Variants in RNF150 observed in about 807,000 individuals in gnomAD.
RNF150 encodes the protein ring finger protein 150.
RNF150 carries 24 observed loss-of-function variants against 39.3 expected under a neutral mutation model. That is an observed-to-expected ratio of 0.61 (90% CI 0.44 to 0.86). The LOEUF is 0.86. Among genes scored for constraint, RNF150 ranks in the 40% least tolerant of loss-of-function variants. The pLI is 0.00. For missense variants in RNF150, 502 were observed against 587.8 expected (o/e 0.85, Z 1.51); for synonymous variants, 255 against 227.3 (o/e 1.12, Z -1.10).
At chr4:141,010,735 T>C (rs1305844032) in intron 1 of RNF150, among the ~76,000 whole-genome samples, 1 of 152,090 alleles carries the variant, frequency 6.6e-6, no homozygotes, top group East Asian at 1.9e-4. Flanking sequence ...CAGCACCCTT[T>C]GAGCTTAGAG....
At chr4:140,892,217 G>GTATATTGCTATATAGCGATA (rs1422823859) in intron 6 of RNF150, among the ~76,000 whole-genome samples, 2 of 152,156 alleles carry the variant, frequency 1.3e-5, no homozygotes, top group Admixed American at 1.3e-4. Flanking sequence ...ATATAGCAAT[G>GTATATTGCTATATAGCGATA]TACGAGGGCA....
At chr4:140,958,269 T>C (rs1732864673) in intron 2 of RNF150, among the ~76,000 whole-genome samples, 1 of 152,046 alleles carries the variant, frequency 6.6e-6, no homozygotes, top group Admixed American at 6.6e-5. Flanking sequence ...CAATTCCTCA[T>C]GGATGCTGAG....
intron 1 of RNF150, among the ~76,000 whole-genome samples, chr4:141,086,949 G>C (rs1278513653): frequency 6.6e-6 from 1 of 151,656 alleles, no homozygotes; most frequent in Non-Finnish European, 1.5e-5. Context: ...AAAATTCAAA[G>C]GTTTTATTTG....
chr4:141,055,978 C>T lies in RNF150; in HGVS notation c.484+76347G>A, dbSNP rs149841816. On this transcript the variant is annotated intron_variant, in intron 1 of 6. Coordinates refer to ENST00000515673, the MANE Select transcript of RNF150 (RefSeq NM_020724.2). ...TTATTAAATACCTATGGGCTACAAA[C>T]GAGTCTAGGTATTAACATGCCAGAG... is the stretch of plus-strand genomic sequence containing the variant. Among the ~76,000 whole-genome samples, 451 of 152,218 alleles carry T rather than the reference C, an allele frequency of 3.0e-3. 5 individuals are homozygous for T. Among genetic ancestry groups the T allele is most frequent in the African/African-American group, 0.01 (425 of 41,540 alleles).
chr4:141,142,620 T>C (rs1023837589), intron 1 of RNF150, among the ~76,000 whole-genome samples: 17 of 152,220 alleles, frequency 1.1e-4, no homozygotes, highest in African/African-American at 3.9e-4. Context: ...CACTGGTGAC[T>C]GCTGCTTTGT....
intron 6 of RNF150, among the ~76,000 whole-genome samples, chr4:140,888,090 G>T (rs999999794): frequency 6.6e-6 from 1 of 152,184 alleles, no homozygotes; most frequent in Non-Finnish European, 1.5e-5. Context: ...CTTAAGGATT[G>T]TAAGTAATTT....
At chr4:141,198,890 T>C (rs1006441165) in intron 1 of RNF150, among the ~76,000 whole-genome samples, 13 of 152,316 alleles carry the variant, frequency 8.5e-5, no homozygotes, top group African/African-American at 3.1e-4. Flanking sequence ...TAAATTAGAC[T>C]TATCAAAGTT....
chr4:140,915,128 A>G (rs1730765946), intron 5 of RNF150, among the ~76,000 whole-genome samples: 1 of 152,232 alleles, frequency 6.6e-6, no homozygotes, highest in Non-Finnish European at 1.5e-5. Context: ...GTAATTCCAT[A>G]GACATTTATT....
upstream of RNF150, among the ~76,000 whole-genome samples, chr4:141,138,065 T>C (rs1444905449): frequency 1.3e-5 from 2 of 152,192 alleles, no homozygotes; most frequent in Admixed American, 6.5e-5. Flanking sequence ...CAAATTGAAC[T>C]TTCTTTAAGA....
rs369329306 is a variant in RNF150, at chr4:141,171,296, A to C, written c.-6+41498T>G. Reference sequence around the variant, plus strand: ...ATGCTTCCCTGAGAACTTTCCACTAACAGCCACACCTCTTGGGAGAGATTA... The same window carrying C: ...ATGCTTCCCTGAGAACTTTCCACTACCAGCCACACCTCTTGGGAGAGATTA... On this transcript the variant is annotated intron_variant, in intron 1 of 7. Transcript: ENST00000420921. 3.2e-4 allele frequency among the ~76,000 whole-genome samples: 49 copies of C among 152,228 alleles called. No individual in the cohort carries two copies. In the East Asian group the frequency reaches 8.5e-3, roughly 26 times the overall value.
chr4:141,046,534 G>A (rs781748501), intron 1 of RNF150, among the ~76,000 whole-genome samples: 1 of 152,138 alleles, frequency 6.6e-6, no homozygotes, highest in Non-Finnish European at 1.5e-5. Context: ...CACACTTTAT[G>A]AGTCATTGGT....
chr4:141,145,270 CAA>C (rs1727180827), intron 1 of RNF150, among the ~76,000 whole-genome samples: 1 of 151,870 alleles, frequency 6.6e-6, no homozygotes, highest in Non-Finnish European at 1.5e-5. Flanking sequence ...TTCAAAGTGT[CAA>C]AGAAAATGAA....
At chr4:140,960,028 T>C (rs545963094) in intron 2 of RNF150, among the ~76,000 whole-genome samples, 48 of 152,116 alleles carry the variant, frequency 3.2e-4, no homozygotes, top group Non-Finnish European at 5.1e-4. Context: ...GCTCCAGACA[T>C]ACACATCAAA....
chr4:140,939,195 C>T (rs561824760), intron 4 of RNF150, among the ~76,000 whole-genome samples: 69 of 152,278 alleles, frequency 4.5e-4, no homozygotes, highest in African/African-American at 1.6e-3. Context: ...TCTCCTTTCA[C>T]TATTACTGCT....
intron 2 of RNF150, among the ~76,000 whole-genome samples, chr4:140,955,954 A>T (rs6852913): frequency 0.15 from 22,292 of 152,262 alleles, 1,685 homozygotes; most frequent in South Asian, 0.18. Flanking sequence ...GGAGAGAGAA[A>T]TCTTTCAGGA....
chr4:141,001,924 A>G (rs1417886795), intron 1 of RNF150, among the ~76,000 whole-genome samples: 1 of 152,136 alleles, frequency 6.6e-6, no homozygotes, highest in African/African-American at 2.4e-5. Context: ...GTTTACAAGA[A>G]AAGCTCATAT....
At position 141,132,574 on chromosome 4, in the gene RNF150, C is replaced by CTCCGTAGCGCCCGCACTCCGTCT; in HGVS notation, c.212_234dup (p.Glu79ArgfsTer48). Reference sequence around the variant, plus strand: ...CGGGCGTCCTGCTTGGGCGAGTGCTCTCCGTAGCGCCCGCACTCCGTCTTC... The same window carrying CTCCGTAGCGCCCGCACTCCGTCT: ...CGGGCGTCCTGCTTGGGCGAGTGCTCTCCGTAGCGCCCGCACTCCGTCTTCCGTAGCGCCCGCACTCCGTCTTC... On this transcript the variant is annotated frameshift_variant, in exon 1 of 7. Transcript: ENST00000515673. LOFTEE classifies it high-confidence loss of function. This position sits in a 1 kb window ranked among gnomAD's most constrained non-coding sequence, Gnocchi z 4.9. The CTCCGTAGCGCCCGCACTCCGTCT allele has an allele frequency of 6.3e-7, 1 of 1,581,152 alleles. No homozygotes were observed. The highest frequency in any genetic ancestry group is 8.6e-7 in the Non-Finnish European group (1 of 1,164,474).
intron 4 of RNF150, among the ~76,000 whole-genome samples, chr4:140,941,551 T>C (rs1459910557): frequency 2.0e-5 from 3 of 152,240 alleles, no homozygotes; most frequent in Non-Finnish European, 2.9e-5. Flanking sequence ...CCTTCTGTTA[T>C]ACTTAATGAA....
At chr4:141,072,089 A>C (rs955326591) in intron 1 of RNF150, among the ~76,000 whole-genome samples, 2 of 152,208 alleles carry the variant, frequency 1.3e-5, no homozygotes, top group Admixed American at 6.5e-5. Context: ...CAGAGTGTGG[A>C]TAATGATCTG....
Sources: allele counts gnomAD v4.1 joint callset (sites outside exome capture counted in the v4.1 genomes callset), GRCh38; gene constraint gnomAD v4.1.1; non-coding constraint Gnocchi (gnomAD v3.1); transcripts MANE v1.5; gene names NCBI Gene and HGNC (gene_info 2026-07-23, HGNC 2026-07-21).